The following ZC2HC1A variants were observed in gnomAD, a reference collection of about 807,000 sequenced individuals.
ZC2HC1A encodes the protein zinc finger C2HC-type containing 1A, also known as zinc finger C2HC domain-containing protein 1A.
In ZC2HC1A, 28 loss-of-function variants were observed where a neutral mutation model predicts 40.7. The observed-to-expected ratio is 0.69, with a 90% confidence interval of 0.51 to 0.94. The LOEUF is 0.94. Among genes scored for constraint, ZC2HC1A ranks in the 40% least tolerant of loss-of-function variants. ZC2HC1A has a pLI of 0.00. For synonymous variants in ZC2HC1A, 129 were observed against 129.2 expected, an observed-to-expected ratio of 1.00 and a Z score of 0.01; for missense variants, 389 against 386.3, an observed-to-expected ratio of 1.01 and a Z score of -0.06.
chr8:78,691,643 A>C (rs910533616), intron 5 of ZC2HC1A, among the ~76,000 whole-genome samples: 2 of 152,064 alleles, frequency 1.3e-5, no homozygotes, highest in African/African-American at 4.8e-5. Context: ...TTAAAAATTC[A>C]CCATTTCTTT....
intron 7 of ZC2HC1A, among the ~76,000 whole-genome samples, chr8:78,709,737 T>A (rs1033246366): frequency 8.6e-5 from 13 of 150,998 alleles, no homozygotes; most frequent in South Asian, 6.3e-4. Context: ...AAAAAAAAAA[T>A]TTCATAATGT....
chr8:78,712,236 G>A (rs1810974866), intron 7 of ZC2HC1A: 2 of 396,182 alleles, frequency 5.0e-6, no homozygotes, highest in South Asian at 2.4e-5. Flanking sequence ...AAGCCAAAAT[G>A]TGTCAAATAA....
chr8:78,667,114 GTGTATTGT>G (rs1398044064), intron 1 of ZC2HC1A, among the ~76,000 whole-genome samples: 3 of 152,206 alleles, frequency 2.0e-5, no homozygotes, highest in African/African-American at 7.2e-5. Flanking sequence ...TTTGAGTCTT[GTGTATTGT>G]TGCATGCCAG....
At chr8:78,681,809 C>T (rs1322528627) in intron 3 of ZC2HC1A, among the ~76,000 whole-genome samples, 1 of 151,764 alleles carries the variant, frequency 6.6e-6, no homozygotes, top group East Asian at 1.9e-4. Flanking sequence ...TATTGGCATA[C>T]AATTTCTTTA....
At chr8:78,686,100 T>TA (rs1481842573) in intron 3 of ZC2HC1A, among the ~76,000 whole-genome samples, 1 of 152,148 alleles carries the variant, frequency 6.6e-6, no homozygotes, top group Non-Finnish European at 1.5e-5. Flanking sequence ...CATAATGACT[T>TA]AATCACCTTT....
intron 5 of ZC2HC1A, among the ~76,000 whole-genome samples, chr8:78,692,378 C>T (rs1412198130): frequency 1.3e-5 from 2 of 152,250 alleles, no homozygotes; most frequent in Non-Finnish European, 2.9e-5. Flanking sequence ...TAATCCTTAA[C>T]TACTAAATCT....
chr8:78,691,949 T>C (rs1810226971), intron 5 of ZC2HC1A, among the ~76,000 whole-genome samples: 1 of 152,158 alleles, frequency 6.6e-6, no homozygotes, highest in Non-Finnish European at 1.5e-5. Flanking sequence ...GGGTACAAAG[T>C]GATACCATGA....
At position 78,697,414 on chromosome 8, in the gene ZC2HC1A, C is replaced by G; in HGVS notation, c.512C>G (p.Pro171Arg). The change falls in exon 6 of 9, where the codon CCA (proline) becomes CGA (arginine). Residue 171 changes from proline to arginine, a missense_variant. Transcript: ENST00000263849. ...TTTTTTCCATTATTTTAGTATAAGC[C>G]ACCCGCACTTAAAAAGTCAAATTCT... Reference protein sequence around the residue: ...KPTSRTQVYKPPALKKSNSPG... With the variant: ...KPTSRTQVYKRPALKKSNSPG... 1 of 1,596,074 alleles carries G rather than the reference C, an allele frequency of 6.3e-7. No individual in the cohort carries two copies. Among genetic ancestry groups the G allele is most frequent in the Non-Finnish European group, 8.5e-7 (1 of 1,174,028 alleles).
At chr8:78,684,553 T>A (rs1444301743) in intron 3 of ZC2HC1A, among the ~76,000 whole-genome samples, 1 of 152,164 alleles carries the variant, frequency 6.6e-6, no homozygotes, top group Non-Finnish European at 1.5e-5. Flanking sequence ...ACTATATCAA[T>A]AGATATTTGA....
chr8:78,708,716 T>A (rs1810862827), intron 7 of ZC2HC1A, among the ~76,000 whole-genome samples: 1 of 151,138 alleles, frequency 6.6e-6, no homozygotes, highest in African/African-American at 2.4e-5. Flanking sequence ...GTTTTGCTCT[T>A]GTTGCCCAGG....
At chr8:78,699,163 G>A (rs1270370405) in intron 7 of ZC2HC1A, among the ~76,000 whole-genome samples, 1 of 152,032 alleles carries the variant, frequency 6.6e-6, no homozygotes, top group Non-Finnish European at 1.5e-5. Context: ...AACTCCATGT[G>A]TAGTATGATA....
At chr8:78,697,624 A>T in intron 6 of ZC2HC1A, 118 bp downstream of exon 6, 1 of 692,414 alleles carries the variant, frequency 1.4e-6, no homozygotes, top group Non-Finnish European at 2.4e-6. Flanking sequence ...GAAGAGATGT[A>T]GAAGTTAAGT....
At chr8:78,704,607 G>A (rs1162227280) in intron 7 of ZC2HC1A, among the ~76,000 whole-genome samples, 2 of 151,928 alleles carry the variant, frequency 1.3e-5, no homozygotes, top group Non-Finnish European at 2.9e-5. Flanking sequence ...TATCTTACTG[G>A]GGTTCTCTAC....
At chr8:78,715,143 T>C (rs570058078) in intron 7 of ZC2HC1A, 78 bp from the exon 8 acceptor site, 3 of 1,241,220 alleles carry the variant, frequency 2.4e-6, no homozygotes, top group South Asian at 3.0e-5. Context: ...GTATTCTTTC[T>C]AGTCATGTGA....
Position 78,669,679 on chromosome 8 carries a change from TAAAC to T in ZC2HC1A, c.16+3520_16+3523del, listed in dbSNP as rs561392997. 1.2e-3 allele frequency among the ~76,000 whole-genome samples: 183 copies of T among 152,284 alleles called. 5 individuals are homozygous for T. In the South Asian group the frequency reaches 0.037, roughly 31 times the overall value. Reference sequence around the variant, plus strand: ...TTTAATGTCATTATTGTGTCCTTATTAAACAAACTTTCCCTGATTATCCATACTT... The same window carrying T: ...TTTAATGTCATTATTGTGTCCTTATTAAACTTTCCCTGATTATCCATACTT... On this transcript the variant is annotated intron_variant, in intron 1 of 8. Transcript: ENST00000263849.
intron 7 of ZC2HC1A, among the ~76,000 whole-genome samples, 191 bp from the exon 8 acceptor site, chr8:78,715,030 A>G (rs1454730904): frequency 6.6e-6 from 1 of 152,216 alleles, no homozygotes; most frequent in East Asian, 1.9e-4. Context: ...GTATTAGTAA[A>G]TGCAAAATTA....
intron 3 of ZC2HC1A, among the ~76,000 whole-genome samples, chr8:78,680,783 A>C (rs1278911910): frequency 6.6e-6 from 1 of 152,196 alleles, no homozygotes; most frequent in Non-Finnish European, 1.5e-5. Flanking sequence ...TGCTACCTTA[A>C]AGTTGAGGGG....
At chr8:78,688,695 A>AT (rs1491394713) in intron 4 of ZC2HC1A, among the ~76,000 whole-genome samples, 2 of 152,142 alleles carry the variant, frequency 1.3e-5, no homozygotes, top group African/African-American at 4.8e-5. Context: ...TGTCAGTGAG[A>AT]TATATTTTAA....
At chr8:78,716,218 G>T (rs1442136402) in intron 8 of ZC2HC1A, among the ~76,000 whole-genome samples, 4 of 151,320 alleles carry the variant, frequency 2.6e-5, no homozygotes, top group Non-Finnish European at 5.9e-5. Flanking sequence ...TGCCTCCCAG[G>T]TTCACGCCAT....
Sources: allele counts gnomAD v4.1 joint callset (sites outside exome capture counted in the v4.1 genomes callset), GRCh38; gene constraint gnomAD v4.1.1; transcripts MANE v1.5; gene names NCBI Gene and HGNC (gene_info 2026-07-23, HGNC 2026-07-21).